SCIN: variants seen among roughly 807,000 people sequenced by gnomAD.
The protein encoded by SCIN is scinderin.
Under a neutral mutation model 91.8 loss-of-function variants are expected in SCIN, and 91 were observed. The ratio of observed to expected loss-of-function variants is 0.99; its 90% CI spans 0.84 to 1.18. SCIN has a LOEUF of 1.18. Among genes scored for constraint, SCIN ranks in the 50% most tolerant of loss-of-function variants. SCIN has a pLI of 0.00. For synonymous variants in SCIN, 367 were observed against 312.6 expected, an observed-to-expected ratio of 1.17 and a Z score of -1.84; for missense variants, 1,087 against 863.9, an observed-to-expected ratio of 1.26 and a Z score of -3.24.
intron 9 of SCIN, among the ~76,000 whole-genome samples, chr7:12,631,957 C>T (rs759330379): frequency 2.6e-5 from 4 of 151,916 alleles, no homozygotes; most frequent in African/African-American, 7.3e-5. Context: ...AAAGATAAAA[C>T]GAGGGAAATT....
rs1784086750 is a variant in SCIN at position 12,651,905 on chromosome 7, A to G, written c.2020+4A>G. On this transcript the variant is annotated splice_donor_region_variant and intron_variant, in intron 15 of 15. Coordinates refer to ENST00000297029, the MANE Select transcript of SCIN (RefSeq NM_001112706.3). The surrounding 1 kb of genome is among the most constrained non-coding windows in gnomAD (Gnocchi z 5.9). ...AAAAAAGAATCTCTGAAGTCTGGTA[A>G]GCTCAATCGATGGACCATTATAGCA... The G allele has an allele frequency of 6.3e-7, 1 of 1,598,296 alleles. No homozygotes were observed. Among genetic ancestry groups the G allele is most frequent in the African/African-American group, 1.3e-5 (1 of 74,694 alleles).
chr7:12,584,686 C>T (rs909188928), intron 3 of SCIN, among the ~76,000 whole-genome samples: 1 of 151,996 alleles, frequency 6.6e-6, no homozygotes, highest in Admixed American at 6.6e-5. Context: ...CCAGATCTTA[C>T]CAATTTACAG....
chr7:12,621,637 G>GTTTTTTTTTTTTTTTTTT (rs60697843), intron 4 of SCIN, among the ~76,000 whole-genome samples: 3 of 106,374 alleles, frequency 2.8e-5, no homozygotes, highest in African/African-American at 3.6e-5. Context: ...AAGTGTTTTA[G>GTTTTTTTTTTTTTTTTTT]TTTTTTTTTT....
At chr7:12,644,864 A>C (rs765420901) in intron 13 of SCIN, among the ~76,000 whole-genome samples, 159 bp downstream of exon 13, 1 of 151,808 alleles carries the variant, frequency 6.6e-6, no homozygotes, top group African/African-American at 2.4e-5. Context: ...AAATATAAAA[A>C]TTAGCTGGAT....
At chr7:12,628,645 A>G (rs1783579107) in intron 8 of SCIN, among the ~76,000 whole-genome samples, 2 of 152,172 alleles carry the variant, frequency 1.3e-5, no homozygotes, top group South Asian at 2.1e-4. Flanking sequence ...TAGCATTTTT[A>G]GTATTTGGTC....
At chr7:12,578,272 A>G (rs1056985485) in intron 2 of SCIN, 54 bp downstream of exon 2, 9 of 1,448,344 alleles carry the variant, frequency 6.2e-6, no homozygotes, top group African/African-American at 4.3e-5. Flanking sequence ...TTGTCCATCC[A>G]TACCTCCTGT....
chr7:12,635,956 C>G (rs1783742301), intron 9 of SCIN, 89 bp from the exon 10 acceptor site: 1 of 918,176 alleles, frequency 1.1e-6, no homozygotes, highest in Non-Finnish European at 1.7e-6. Context: ...CTTGATCTTT[C>G]ATAATAACTT....
intron 2 of SCIN, 95 bp downstream of exon 2, chr7:12,578,313 G>A: frequency 8.5e-7 from 1 of 1,178,168 alleles, no homozygotes; most frequent in Non-Finnish European, 1.1e-6. Flanking sequence ...TTGAGGGCAG[G>A]GGTTTTTGTT....
intron 4 of SCIN, among the ~76,000 whole-genome samples, chr7:12,615,757 A>G (rs1451155605): frequency 2.0e-5 from 3 of 152,086 alleles, no homozygotes; most frequent in Non-Finnish European, 4.4e-5. Flanking sequence ...AAGTTATGCA[A>G]ATATTTTTAA....
chr7:12,618,890 G>T (rs1470298808), intron 4 of SCIN, among the ~76,000 whole-genome samples: 1 of 152,100 alleles, frequency 6.6e-6, no homozygotes, highest in Non-Finnish European at 1.5e-5. Flanking sequence ...ACCCTAAAAT[G>T]ATTAAGATGA....
At chr7:12,584,185 T>TA (rs1350581523) in intron 3 of SCIN, among the ~76,000 whole-genome samples, 10 of 152,190 alleles carry the variant, frequency 6.6e-5, no homozygotes, top group Admixed American at 2.0e-4. Context: ...AACAAAGAAA[T>TA]ACACGTAACT....
intron 3 of SCIN, among the ~76,000 whole-genome samples, chr7:12,586,571 C>G (rs1024437721): frequency 2.0e-5 from 3 of 152,158 alleles, no homozygotes; most frequent in Non-Finnish European, 4.4e-5. Flanking sequence ...CCAGCAGTCC[C>G]ACTACTGGGT....
chr7:12,616,393 G>C (rs992692311), intron 4 of SCIN, among the ~76,000 whole-genome samples: 1 of 152,006 alleles, frequency 6.6e-6, no homozygotes, highest in African/African-American at 2.4e-5. Context: ...TTGCTCTCTT[G>C]CTCTCCATGT....
intron 1 of SCIN, among the ~76,000 whole-genome samples, chr7:12,572,240 G>A (rs1022109468): frequency 2.6e-5 from 4 of 152,228 alleles, no homozygotes; most frequent in African/African-American, 7.2e-5. Context: ...TCAAAAATTT[G>A]TGTTAGCTTG....
intron 1 of SCIN, 184 bp from the exon 2 acceptor site, chr7:12,577,880 A>C: frequency 1.7e-6 from 1 of 579,326 alleles, no homozygotes; most frequent in South Asian, 2.7e-5. Flanking sequence ...TAGACTAAAA[A>C]AATTGTTAAT....
chr7:12,629,787 G>T (rs1465658368), intron 9 of SCIN, among the ~76,000 whole-genome samples: 1 of 152,074 alleles, frequency 6.6e-6, no homozygotes. Flanking sequence ...CCAATGCCCT[G>T]CTCAAGGAGG....
At chr7:12,581,517 T>C (rs565057056) in intron 3 of SCIN, among the ~76,000 whole-genome samples, 50 of 152,342 alleles carry the variant, frequency 3.3e-4, no homozygotes, top group Admixed American at 7.2e-4. Context: ...TAATTATTTT[T>C]GTCTCTAATT....
intron 3 of SCIN, among the ~76,000 whole-genome samples, chr7:12,585,784 C>A (rs542847609): frequency 1.3e-5 from 2 of 152,284 alleles, no homozygotes; most frequent in African/African-American, 2.4e-5. Context: ...TGTCTTAGTA[C>A]CCAGTGCCTG....
Position 12,590,717 on chromosome 7 carries a change from A to C in SCIN, c.516+9496A>C, listed in dbSNP as rs200414392. Among the ~76,000 whole-genome samples, 3 of 152,124 alleles carry C rather than the reference A, an allele frequency of 2.0e-5. 1 individual carries two copies. The South Asian group carries it at 6.2e-4, about 32-fold the overall frequency. On this transcript the variant is annotated intron_variant, in intron 3 of 15. Coordinates refer to ENST00000297029, the MANE Select transcript of SCIN (RefSeq NM_001112706.3). Reference sequence around the variant, plus strand: ...GGCCTTTCTGTTGCCTCGAGATTTCATCTGAACCTGTTCGATGTCCTCAAC... The same window carrying C: ...GGCCTTTCTGTTGCCTCGAGATTTCCTCTGAACCTGTTCGATGTCCTCAAC...
Sources: allele counts gnomAD v4.1 joint callset (sites outside exome capture counted in the v4.1 genomes callset), GRCh38; gene constraint gnomAD v4.1.1; non-coding constraint Gnocchi (gnomAD v3.1); transcripts MANE v1.5; gene names NCBI Gene and HGNC (gene_info 2026-07-23, HGNC 2026-07-21).